Variants in ZNF518A observed in about 807,000 individuals in gnomAD.
ZNF518A encodes the protein zinc finger protein 518A.
A neutral mutation model predicts 102.7 loss-of-function variants in ZNF518A; 47 were observed. The ratio of observed to expected loss-of-function variants is 0.46; its 90% CI spans 0.36 to 0.58. ZNF518A has a LOEUF of 0.58. Among genes scored for constraint, ZNF518A ranks in the 20% least tolerant of loss-of-function variants. The pLI, the probability that ZNF518A is intolerant of heterozygous loss-of-function variation, is 0.00. For synonymous variants in ZNF518A, 652 were observed against 594.6 expected, an observed-to-expected ratio of 1.10 and a Z score of -1.40; for missense variants, 1,793 against 1,699.8, an observed-to-expected ratio of 1.05 and a Z score of -0.96.
intron 1 of ZNF518A, among the ~76,000 whole-genome samples, chr10:96,185,061 A>G (rs1554892430): frequency 6.6e-6 from 1 of 152,130 alleles, no homozygotes; most frequent in Non-Finnish European, 1.5e-5. Context: ...TTCATCTTCA[A>G]TCACTGATAC....
chr10:96,178,090 G>A (rs587764473), intron 1 of ZNF518A, among the ~76,000 whole-genome samples: 41 of 152,182 alleles, frequency 2.7e-4, no homozygotes, highest in African/African-American at 9.1e-4. Flanking sequence ...AATCAGTAAT[G>A]ACATAGAAGA....
intron 1 of ZNF518A, among the ~76,000 whole-genome samples, chr10:96,190,454 C>T (rs587770953): frequency 7.5e-4 from 114 of 152,286 alleles, no homozygotes; most frequent in African/African-American, 2.6e-3. Flanking sequence ...CTGTAAAGAC[C>T]TCATTCCCAA....
At chr10:96,176,918 A>G (rs2083208084) in intron 1 of ZNF518A, among the ~76,000 whole-genome samples, 1 of 152,044 alleles carries the variant, frequency 6.6e-6, no homozygotes, top group Non-Finnish European at 1.5e-5. Context: ...ACAAAAAGCA[A>G]TAAAAACAAC....
chr10:96,192,137 T>A (rs1474382928), intron 1 of ZNF518A: 1 of 1,610,126 alleles, frequency 6.2e-7, no homozygotes, highest in Non-Finnish European at 8.5e-7. Flanking sequence ...GCATTTGTGT[T>A]AAATTTGAGC....
Position 96,157,541 on chromosome 10 carries a change from G to A in ZNF518A, c.1219G>A (p.Gly407Arg), listed in dbSNP as rs1554883564. ...TGGGCAAGGTAATAGAGCTGAAGAGGGACCAAACGCTAGTTCAGGTTTCAT... is the reference window on the plus strand; with the variant it reads ...TGGGCAAGGTAATAGAGCTGAAGAGAGACCAAACGCTAGTTCAGGTTTCAT... The part of the protein sequence containing the change: ...STGQGNRAEE[G>R]PNASSGFMKT... Residue 407 changes from glycine (G) to arginine (R), a missense_variant, in exon 6 of 6, where the codon GGA becomes AGA. Gly to Arg is a moderately radical substitution (Grantham distance 125, BLOSUM62 -2). Coordinates refer to ENST00000316045, the MANE Select transcript of ZNF518A (RefSeq NM_001330736.2). The A allele has an allele frequency of 3.1e-6, 5 of 1,613,770 alleles. No homozygotes were observed. Among genetic ancestry groups the A allele is most frequent in the Non-Finnish European group, 4.2e-6 (5 of 1,179,776 alleles).
chr10:96,174,664 T>C (rs1564801315), intron 1 of ZNF518A, among the ~76,000 whole-genome samples: 1 of 152,062 alleles, frequency 6.6e-6, no homozygotes. Flanking sequence ...ATTGAAATGA[T>C]ACCACAAAAA....
At position 96,157,604 on chromosome 10, in the gene ZNF518A, A is replaced by G. The variant is rs2082758302; in HGVS notation, c.1282A>G (p.Met428Val). The G allele has an allele frequency of 6.2e-7, 1 of 1,613,762 alleles. No individual in the cohort carries two copies. Among genetic ancestry groups the G allele is most frequent in the Admixed American group, 1.7e-5 (1 of 59,984 alleles). Reference sequence around the variant, plus strand: ...ACTAGGACCTACACTGAAAAATGTAATGATGAAAAATAATAAACTAGCAGT... The same window carrying G: ...ACTAGGACCTACACTGAAAAATGTAGTGATGAAAAATAATAAACTAGCAGT... The part of the protein sequence containing the change: ...AVLGPTLKNV[M>V]MKNNKLAVSP... Residue 428 changes from methionine to valine, a missense_variant, in exon 6 of 6, where the codon ATG becomes GTG. Met to Val is a conservative substitution (Grantham distance 21). This residue lies in a region of ZNF518A where 1,741 missense variants were observed against 1,622.6 expected (regional missense o/e 1.07). Transcript: ENST00000316045.
Position 96,160,769 on chromosome 10 carries a change from G to T in ZNF518A, c.4447G>T (p.Glu1483Ter). ...MEATRDWNMLE is the reference protein window; with the variant it reads ...MEATRDWNML Reference sequence around the variant, plus strand: ...AGCTACTCGGGATTGGAACATGTTAGAATAGTTTACCATAATTACCAAGGA... The same window carrying T: ...AGCTACTCGGGATTGGAACATGTTATAATAGTTTACCATAATTACCAAGGA... The change falls in exon 6 of 6, where the codon GAA becomes TAA. Residue 1483 changes from glutamate to a stop codon, truncating the protein, a stop_gained. Transcript: ENST00000316045. LOFTEE classifies it high-confidence loss of function. 1 of 1,553,568 alleles carries T rather than the reference G, an allele frequency of 6.4e-7. No homozygotes were observed. Among genetic ancestry groups the T allele is most frequent in the Middle Eastern group, 1.7e-4 (1 of 5,780 alleles).
In ZNF518A at chr10:96,158,271, A is replaced by G. The variant is rs2082803982; in HGVS notation, c.1949A>G (p.Lys650Arg). Residue 650 changes from lysine (K) to arginine (R), a missense_variant, in exon 6 of 6, where the codon AAA (lysine) becomes AGA (arginine). By Grantham distance (26) the Lys-to-Arg change is conservative (BLOSUM62 2). This residue lies in a region of ZNF518A where 1,741 missense variants were observed against 1,622.6 expected (regional missense o/e 1.07). Transcript: ENST00000316045. ...TACTCAAAAGTGAATAATTCTAATA[A>G]ACGTCGTAGGTTTTCAGGAACAGCA... Reference protein sequence around the residue: ...HNYSKVNNSNKRRRFSGTAVY... With the variant: ...HNYSKVNNSNRRRRFSGTAVY... 6.2e-7 allele frequency: 1 copy of G among 1,613,550 alleles called. No homozygotes were observed. The highest frequency in any genetic ancestry group is 2.2e-5 in the East Asian group (1 of 44,870).
At chr10:96,167,928 A>T (rs7094773), downstream of ZNF518A, among the ~76,000 whole-genome samples, 149,331 of 152,370 alleles carry the variant, frequency 0.98, 73,240 homozygotes, top group East Asian at 1. Flanking sequence ...GTTGTAAAAC[A>T]AGTCTGTTTT....
intron 1 of ZNF518A, among the ~76,000 whole-genome samples, chr10:96,180,180 C>CTT (rs60561670): frequency 0.061 from 5,870 of 96,054 alleles, 367 homozygotes; most frequent in Middle Eastern, 0.11. Flanking sequence ...GCTCCAGCCT[C>CTT]TTTTTTTTTT....
chr10:96,182,509 A>G (rs587619291), intron 1 of ZNF518A, among the ~76,000 whole-genome samples: 22 of 152,312 alleles, frequency 1.4e-4, no homozygotes, highest in Non-Finnish European at 2.6e-4. Context: ...ATGTTCCATC[A>G]ATACCTAGTT....
At position 96,159,819 on chromosome 10, in the gene ZNF518A, C is replaced by A; in HGVS notation, c.3497C>A (p.Ala1166Glu). ...AATAATCTGTCAGTAAGCAACTCTGCATCCTCATTGCAAAAAGACAACGTA... is the reference window on the plus strand; with the variant it reads ...AATAATCTGTCAGTAAGCAACTCTGAATCCTCATTGCAAAAAGACAACGTA... Reference protein sequence around the residue: ...AANNLSVSNSASSLQKDNVPS... With the variant: ...AANNLSVSNSESSLQKDNVPS... The change falls in exon 6 of 6, where the codon GCA (alanine) becomes GAA (glutamate). Residue 1166 changes from alanine to glutamate, a missense_variant. Physicochemically the swap from Ala to Glu is moderately radical, Grantham distance 107 (BLOSUM62 -1). Transcript: ENST00000316045. The A allele has an allele frequency of 2.5e-6, 4 of 1,613,618 alleles. No individual in the cohort carries two copies. The highest frequency in any genetic ancestry group is 3.4e-6 in the Non-Finnish European group (4 of 1,179,770).
chr10:96,194,123 T>C (rs2083397952), intron 1 of ZNF518A, among the ~76,000 whole-genome samples: 1 of 152,278 alleles, frequency 6.6e-6, no homozygotes, highest in East Asian at 1.9e-4. Flanking sequence ...CAGAGTTTCC[T>C]AGCAGGACAA....
chr10:96,190,198 C>T (rs1591283517), intron 1 of ZNF518A: 2 of 778,884 alleles, frequency 2.6e-6, no homozygotes, highest in East Asian at 2.5e-5. Context: ...GGGCTCACGT[C>T]CATGTCCATC....
intron 3 of ZNF518A, among the ~76,000 whole-genome samples, chr10:96,146,030 C>T (rs782382184): frequency 2.0e-5 from 3 of 152,056 alleles, no homozygotes; most frequent in Non-Finnish European, 4.4e-5. Context: ...TAACTTTTGA[C>T]GCATTTGTTT....
Position 96,156,748 on chromosome 10 carries a change from G to T in ZNF518A, c.426G>T (p.Trp142Cys), listed in dbSNP as rs374301002. 5.0e-6 allele frequency: 8 copies of T among 1,613,754 alleles called. No individual in the cohort carries two copies. In the African/African-American group the frequency reaches 6.7e-5, roughly 13 times the overall value. Residue 142 changes from tryptophan (W) to cysteine (C), a missense_variant, in exon 6 of 6, where the codon TGG becomes TGT. Transcript: ENST00000316045. ...PNDLQKHFQMWHHGELPSYPC... is the reference protein window; with the variant it reads ...PNDLQKHFQMCHHGELPSYPC... Reference sequence around the variant, plus strand: ...ATTTGCAGAAACACTTTCAAATGTGGCACCATGGCGAATTACCTTCATATC... The same window carrying T: ...ATTTGCAGAAACACTTTCAAATGTGTCACCATGGCGAATTACCTTCATATC...
chr10:96,159,860 A>G lies in ZNF518A; in HGVS notation c.3538A>G (p.Ile1180Val). 1 of 1,613,602 alleles carries G rather than the reference A, an allele frequency of 6.2e-7. No homozygotes were observed. The highest frequency in any genetic ancestry group is 8.5e-7 in the Non-Finnish European group (1 of 1,179,738). The change falls in exon 6 of 6, where the codon ATA (isoleucine) becomes GTA (valine). Residue 1180 changes from isoleucine to valine, a missense_variant. Coordinates refer to ENST00000316045, the MANE Select transcript of ZNF518A (RefSeq NM_001330736.2). ...QKDNVPSNQI[I>V]GGEQKEPESR... is the part of the protein sequence containing the mutation. ...AGACAACGTACCATCTAATCAGATT[A>G]TAGGAGGAGAGCAGAAAGAGCCAGA...
intron 1 of ZNF518A, among the ~76,000 whole-genome samples, chr10:96,198,962 G>A (rs185762871): frequency 1.2e-4 from 18 of 152,296 alleles, no homozygotes; most frequent in Admixed American, 1.0e-3. Context: ...GCCCCCCAAA[G>A]TGCTAGGATT....
Sources: gnomAD v4.1 joint callset for allele counts (sites outside exome capture counted in the v4.1 genomes callset) on GRCh38, gnomAD v4.1.1 for gene constraint, gnomAD v4.1.1 regional missense constraint, MANE v1.5 for transcripts, NCBI Gene and HGNC (gene_info 2026-07-23, HGNC 2026-07-21) for gene names.